ELP4: variants seen among roughly 807,000 people sequenced by gnomAD.
ELP4 encodes the protein elongator complex protein 4.
Under a neutral mutation model 48.9 loss-of-function variants are expected in ELP4, and 51 were observed. That is an observed-to-expected ratio of 1.04 (90% CI 0.83 to 1.32). The LOEUF is 1.32. ELP4 is among the 40% of genes most tolerant of loss of function. ELP4 has a pLI of 0.00. For synonymous variants in ELP4, 210 were observed against 189.2 expected (o/e 1.11, Z -0.90); for missense variants, 519 against 514.6 (o/e 1.01, Z -0.08).
chr11:31,530,677 T>C (rs143334343), intron 2 of ELP4, among the ~76,000 whole-genome samples: 296 of 152,276 alleles, frequency 1.9e-3, no homozygotes, highest in African/African-American at 6.8e-3. Context: ...GGAGCCATAA[T>C]GTACAAATGA....
At chr11:31,651,975 G>A (rs2134076324) in intron 9 of ELP4, 1 of 151,734 alleles carries the variant, frequency 6.6e-6, no homozygotes, top group South Asian at 2.1e-4. Flanking sequence ...AATAACTTTA[G>A]GTTCTAATAG....
intron 1 of ELP4, among the ~76,000 whole-genome samples, chr11:31,514,184 T>C (rs1956063684): frequency 6.6e-6 from 1 of 152,144 alleles, no homozygotes; most frequent in Non-Finnish European, 1.5e-5. Flanking sequence ...GCTGGCCAGG[T>C]GTGGTAGCTC....
intron 5 of ELP4, among the ~76,000 whole-genome samples, chr11:31,620,809 T>A (rs1019144740): frequency 1.3e-5 from 2 of 151,958 alleles, no homozygotes; most frequent in Admixed American, 6.6e-5. Flanking sequence ...AATTTGTGCA[T>A]CCTCATAGTT....
At chr11:31,623,985 G>T (rs954245337) in intron 5 of ELP4, among the ~76,000 whole-genome samples, 18 of 151,694 alleles carry the variant, frequency 1.2e-4, no homozygotes, top group African/African-American at 4.1e-4. Context: ...CATCATCAGG[G>T]AAATGTACAT....
intron 3 of ELP4, among the ~76,000 whole-genome samples, chr11:31,546,961 G>A (rs1956734709): frequency 6.6e-6 from 1 of 152,084 alleles, no homozygotes; most frequent in Admixed American, 6.5e-5. Flanking sequence ...CAACGTACCA[G>A]AATCTCTGGG....
chr11:31,557,281 T>C (rs1956945823), intron 3 of ELP4, among the ~76,000 whole-genome samples: 1 of 151,912 alleles, frequency 6.6e-6, no homozygotes, highest in Non-Finnish European at 1.5e-5. Flanking sequence ...TTGAACTCAT[T>C]TGTTAGGATC....
intron 3 of ELP4, among the ~76,000 whole-genome samples, chr11:31,553,755 CA>C (rs1956888837): frequency 2.6e-5 from 4 of 151,694 alleles, no homozygotes; most frequent in African/African-American, 9.7e-5. Context: ...CACACACACA[CA>C]CACACACACC....
intron 7 of ELP4, among the ~76,000 whole-genome samples, chr11:31,640,237 T>C (rs1339074486): frequency 1.3e-5 from 2 of 152,028 alleles, no homozygotes; most frequent in Non-Finnish European, 2.9e-5. Context: ...CAACTTTATT[T>C]AATTTTTCAT....
At chr11:31,662,368 A>G (rs547016324) in intron 9 of ELP4, among the ~76,000 whole-genome samples, 3 of 152,264 alleles carry the variant, frequency 2.0e-5, no homozygotes, top group Non-Finnish European at 2.9e-5. Flanking sequence ...ATAAAGGGCA[A>G]TATTAAAGCA....
chr11:31,647,698 A>G, intron 7 of ELP4, 43 bp from the exon 8 acceptor site: 6 of 1,170,764 alleles, frequency 5.1e-6, no homozygotes, highest in Non-Finnish European at 6.4e-6. Context: ...TTATACTATT[A>G]ACATAATATT....
At chr11:31,752,286 A>AG (rs71310193) in intron 9 of ELP4, among the ~76,000 whole-genome samples, 46,165 of 152,060 alleles carry the variant, frequency 0.3, 7,668 homozygotes, top group African/African-American at 0.44. Flanking sequence ...ATTTTAAAAA[A>AG]CAAATTTCCT....
rs374473221 is a variant in ELP4 at position 31,744,369 on chromosome 11, A to G, written c.1144-39024A>G. Among the ~76,000 whole-genome samples the G allele has an allele frequency of 3.9e-3, 600 of 152,280 alleles. 5 individuals carry two copies. The highest frequency in any genetic ancestry group is 0.014 in the African/African-American group (568 of 41,562). On this transcript the variant is annotated intron_variant, in intron 9 of 9. Coordinates refer to ENST00000640961, the MANE Select transcript of ELP4 (RefSeq NM_019040.5). ...ACTATTCCAATCAATAGAAAAAGAG[A>G]GAATCCTCCCTAACTCATTTTATGA...
At chr11:31,532,168 A>G (rs1264473660) in intron 2 of ELP4, among the ~76,000 whole-genome samples, 3 of 152,212 alleles carry the variant, frequency 2.0e-5, no homozygotes, top group Non-Finnish European at 2.9e-5. Context: ...AAATAACTTA[A>G]CGAATTAGCA....
chr11:31,746,657 A>G (rs1415023585), intron 9 of ELP4, among the ~76,000 whole-genome samples: 2 of 152,058 alleles, frequency 1.3e-5, no homozygotes, highest in East Asian at 3.9e-4. Flanking sequence ...CAAACACCAC[A>G]TGTTCTCACT....
intron 9 of ELP4, among the ~76,000 whole-genome samples, chr11:31,732,150 C>T (rs1263791720): frequency 4.6e-5 from 7 of 152,020 alleles, no homozygotes. Context: ...TAGACAAATA[C>T]AGAATACTGT....
intron 9 of ELP4, among the ~76,000 whole-genome samples, chr11:31,696,208 A>G (rs977828419): frequency 2.8e-4 from 43 of 152,034 alleles, no homozygotes; most frequent in African/African-American, 3.9e-4. Flanking sequence ...GCCTTCTGCT[A>G]GCTTTTGAAT....
At chr11:31,761,804 G>T (rs935342787) in intron 9 of ELP4, 1 of 152,224 alleles carries the variant, frequency 6.6e-6, no homozygotes, top group Non-Finnish European at 1.5e-5. Context: ...GATTTGGGCT[G>T]TGGGGAAGGA....
chr11:31,517,114 A>T (rs1244829261), intron 1 of ELP4, among the ~76,000 whole-genome samples: 5 of 152,148 alleles, frequency 3.3e-5, no homozygotes, highest in African/African-American at 1.2e-4. Context: ...CATGTATGTT[A>T]CCAGATTTCA....
chr11:31,532,640 TAATTA>T (rs1283484504), intron 2 of ELP4, among the ~76,000 whole-genome samples: 1 of 152,150 alleles, frequency 6.6e-6, no homozygotes, highest in African/African-American at 2.4e-5. Flanking sequence ...TTAATTCTTC[TAATTA>T]AATAGTTTAG....
Sources: gnomAD v4.1 joint callset for allele counts (sites outside exome capture counted in the v4.1 genomes callset) on GRCh38, gnomAD v4.1.1 for gene constraint, MANE v1.5 for transcripts, NCBI Gene and HGNC (gene_info 2026-07-23, HGNC 2026-07-21) for gene names.